Variants in TBX15 observed in about 807,000 individuals in gnomAD.
TBX15 encodes T-box transcription factor 15, also known as T-box transcription factor TBX15.
Under a neutral mutation model 53.9 loss-of-function variants are expected in TBX15, and 18 were observed. The observed-to-expected ratio is 0.33, with a 90% CI of 0.23 to 0.49. The LOEUF (loss-of-function observed/expected upper bound fraction) is 0.49, where lower values mean the gene tolerates loss of function less well. Ranked by LOEUF, TBX15 falls within the 20% of genes least tolerant of loss-of-function variation. TBX15 has a pLI of 0.98. For synonymous variants in TBX15, 295 were observed against 278.0 expected, an observed-to-expected ratio of 1.06 and a Z score of -0.61; for missense variants, 692 against 749.5, an observed-to-expected ratio of 0.92 and a Z score of 0.90.
At chr1:118,954,150 AAT>A (rs1454828997) in intron 1 of TBX15, among the ~76,000 whole-genome samples, 1 of 152,096 alleles carries the variant, frequency 6.6e-6, no homozygotes, top group African/African-American at 2.4e-5. Flanking sequence ...AGGAAGACTA[AAT>A]ATCGCAAATC....
intron 1 of TBX15, among the ~76,000 whole-genome samples, chr1:118,934,471 T>C (rs537679110): frequency 6.6e-6 from 1 of 152,316 alleles, no homozygotes; most frequent in African/African-American, 2.4e-5. Flanking sequence ...TGAAGTACCA[T>C]GCAGATAATT....
At chr1:118,981,335 C>A (rs1657645526) in intron 1 of TBX15, among the ~76,000 whole-genome samples, 2 of 145,686 alleles carry the variant, frequency 1.4e-5, no homozygotes, top group South Asian at 4.3e-4. Context: ...CACACACACA[C>A]ACACAATGGC....
intron 6 of TBX15, among the ~76,000 whole-genome samples, chr1:118,899,484 C>CTA (rs1654545328): frequency 2.6e-5 from 4 of 152,274 alleles, no homozygotes; most frequent in Admixed American, 2.0e-4. Flanking sequence ...GACTGCTTCT[C>CTA]TAGCACAGAA....
At chr1:118,976,649 T>G (rs1343905173) in intron 1 of TBX15, among the ~76,000 whole-genome samples, 2 of 152,158 alleles carry the variant, frequency 1.3e-5, no homozygotes, top group Non-Finnish European at 2.9e-5. Flanking sequence ...CCCCTCTTCC[T>G]ACTGTATGCC....
chr1:118,885,335 A>G lies in TBX15; in HGVS notation c.1206T>C (p.Cys402=). 6.2e-7 allele frequency: 1 copy of G among 1,614,070 alleles called. No homozygotes were observed. Among genetic ancestry groups the G allele is most frequent in the Non-Finnish European group, 8.5e-7 (1 of 1,180,028 alleles). The change falls in exon 8 of 8, where the codon TGT becomes TGC. Residue 402 remains cysteine, a synonymous_variant. Transcript: ENST00000369429. The stretch of plus-strand genomic sequence containing the variant: ...GCAAGGCAGCCATGTTGCTTCGGGC[A>G]CATGGTGGATAATCAGAGAGGTTTA... ...CNLNLSDYPP[C]ARSNMAALQS...
At chr1:118,908,676 T>A (rs1192313637) in intron 6 of TBX15, among the ~76,000 whole-genome samples, 2 of 151,992 alleles carry the variant, frequency 1.3e-5, no homozygotes, top group African/African-American at 4.8e-5. Flanking sequence ...TGTCAGTGAT[T>A]TCACTCCAGA....
intron 1 of TBX15, among the ~76,000 whole-genome samples, chr1:118,971,940 G>A (rs1189646810): frequency 2.0e-5 from 3 of 152,232 alleles, no homozygotes; most frequent in Non-Finnish European, 2.9e-5. Context: ...AAATGATAAA[G>A]GCAGGACAGG....
At chr1:118,909,180 C>T (rs1194574505) in intron 6 of TBX15, among the ~76,000 whole-genome samples, 1 of 152,222 alleles carries the variant, frequency 6.6e-6, no homozygotes, top group African/African-American at 2.4e-5. Flanking sequence ...TGAATATCAC[C>T]TCTTGTTTCA....
chr1:118,923,309 T>C, intron 5 of TBX15, 127 bp downstream of exon 5: 1 of 1,233,354 alleles, frequency 8.1e-7, no homozygotes, highest in East Asian at 2.5e-5. Flanking sequence ...TGTATAGTAC[T>C]TAACATTTAG....
intron 6 of TBX15, among the ~76,000 whole-genome samples, chr1:118,902,195 A>G (rs887303213): frequency 7.2e-5 from 11 of 152,136 alleles, no homozygotes; most frequent in African/African-American, 2.7e-4. Flanking sequence ...ATTGCTTTTT[A>G]GAAAAATTAA....
chr1:118,895,731 G>A (rs1288534052), intron 7 of TBX15, among the ~76,000 whole-genome samples: 2 of 151,746 alleles, frequency 1.3e-5, no homozygotes, highest in African/African-American at 4.9e-5. Flanking sequence ...GAAGACATCT[G>A]AAGACCATAT....
Position 118,904,387 on chromosome 1 carries a change from T to G in TBX15, c.927-5262A>C, listed in dbSNP as rs536400161. 2.0e-5 allele frequency among the ~76,000 whole-genome samples: 3 copies of G among 152,290 alleles called. No homozygotes were observed. In the East Asian group the frequency reaches 5.8e-4, roughly 29 times the overall value. ...AATTACTCAGATCAAAATATCCAGA[T>G]TACTCAGGAATGTTATTGTCCAGGG... On this transcript the variant is annotated intron_variant, in intron 6 of 7. Transcript: ENST00000369429.
At chr1:118,969,020 T>C (rs1380835110) in intron 1 of TBX15, among the ~76,000 whole-genome samples, 2 of 152,192 alleles carry the variant, frequency 1.3e-5, no homozygotes, top group East Asian at 1.9e-4. Flanking sequence ...CTAGCATGGA[T>C]TGTTAACAAG....
intron 1 of TBX15, among the ~76,000 whole-genome samples, chr1:118,939,367 C>T (rs1344471957): frequency 8.2e-6 from 1 of 121,614 alleles, no homozygotes; most frequent in African/African-American, 3.2e-5. Flanking sequence ...GTGATGGCAT[C>T]ACTGTACTCC....
chr1:118,962,363 T>C (rs540082027), intron 1 of TBX15, among the ~76,000 whole-genome samples: 2 of 152,262 alleles, frequency 1.3e-5, no homozygotes, highest in Admixed American at 6.5e-5. Flanking sequence ...CCTCAATGCG[T>C]AATGACAATT....
intron 1 of TBX15, among the ~76,000 whole-genome samples, chr1:118,933,440 C>T (rs553186884): frequency 7.0e-6 from 1 of 142,076 alleles, no homozygotes; most frequent in Non-Finnish European, 1.5e-5. Flanking sequence ...CTTCATTCTC[C>T]CTCCCCCTCT....
intron 1 of TBX15, among the ~76,000 whole-genome samples, chr1:118,936,689 A>T (rs1277642040): frequency 6.6e-6 from 1 of 152,188 alleles, no homozygotes; most frequent in African/African-American, 2.4e-5. Flanking sequence ...TTGAGCTCTT[A>T]CTATTTGTCA....
chr1:118,980,980 G>T (rs1256144837), intron 1 of TBX15, among the ~76,000 whole-genome samples: 1 of 152,026 alleles, frequency 6.6e-6, no homozygotes, highest in African/African-American at 2.4e-5. Flanking sequence ...TTACAGGCCC[G>T]CACCACCACA....
intron 1 of TBX15, among the ~76,000 whole-genome samples, chr1:118,961,430 C>A (rs995078037): frequency 6.6e-6 from 1 of 152,182 alleles, no homozygotes; most frequent in African/African-American, 2.4e-5. Flanking sequence ...TGCTAGGAAT[C>A]AGGCAGCCAT....
Sources: allele counts gnomAD v4.1 joint callset (sites outside exome capture counted in the v4.1 genomes callset), GRCh38; gene constraint gnomAD v4.1.1; transcripts MANE v1.5; gene names NCBI Gene and HGNC (gene_info 2026-07-23, HGNC 2026-07-21).